The following PTK2 variants were observed in gnomAD, a reference collection of about 807,000 sequenced individuals.
PTK2 encodes focal adhesion kinase 1.
A neutral mutation model predicts 150.1 loss-of-function variants in PTK2; 45 were observed. That is an observed-to-expected ratio of 0.30 (90% CI 0.24 to 0.38). The LOEUF (loss-of-function observed/expected upper bound fraction) is 0.38, where lower values mean the gene tolerates loss of function less well. Among genes scored for constraint, PTK2 ranks in the 10% least tolerant of loss-of-function variants. PTK2 has a pLI of 1.00. For missense variants in PTK2, 919 were observed against 1,307.3 expected (o/e 0.70, Z 4.58); for synonymous variants, 432 against 449.2 (o/e 0.96, Z 0.48).
intron 1 of PTK2, among the ~76,000 whole-genome samples, chr8:140,935,291 A>G (rs1039920136): frequency 6.6e-6 from 1 of 152,214 alleles, no homozygotes; most frequent in Non-Finnish European, 1.5e-5. Context: ...AAAATGATTC[A>G]TATCAACAAC....
chr8:140,815,917 C>T (rs903494220), intron 10 of PTK2, among the ~76,000 whole-genome samples: 14 of 151,822 alleles, frequency 9.2e-5, no homozygotes, highest in African/African-American at 3.4e-4. Context: ...AAAAACAATC[C>T]CAAATAATGA....
chr8:140,990,758 C>T (rs1264860784), intron 1 of PTK2, among the ~76,000 whole-genome samples: 3 of 152,132 alleles, frequency 2.0e-5, no homozygotes, highest in African/African-American at 7.2e-5. Flanking sequence ...CTTAAATACC[C>T]TTTACAACAA....
At chr8:140,854,689 T>C (rs1480046207) in intron 5 of PTK2, among the ~76,000 whole-genome samples, 4 of 152,184 alleles carry the variant, frequency 2.6e-5, no homozygotes, top group Non-Finnish European at 4.4e-5. Flanking sequence ...TAGTAAGTCA[T>C]TGAAATTTTC....
At chr8:140,918,388 T>C (rs1221703592) in intron 2 of PTK2, among the ~76,000 whole-genome samples, 2 of 152,190 alleles carry the variant, frequency 1.3e-5, no homozygotes, top group Non-Finnish European at 2.9e-5. Context: ...ATCAAATAAC[T>C]TCCCAAACAG....
At chr8:140,915,317 C>T (rs1157747378) in intron 2 of PTK2, among the ~76,000 whole-genome samples, 2 of 152,010 alleles carry the variant, frequency 1.3e-5, no homozygotes, top group African/African-American at 4.8e-5. Flanking sequence ...TAATCCTAGA[C>T]TTTGTGAGGC....
chr8:140,793,426 T>C lies in PTK2; in HGVS notation c.1094-42A>G, dbSNP rs747550559. The C allele has an allele frequency of 2.5e-6, 4 of 1,596,048 alleles. No individual in the cohort carries two copies. In the South Asian group the frequency reaches 4.6e-5, roughly 18 times the overall value. On this transcript the variant is annotated intron_variant, in intron 12 of 31. Transcript: ENST00000522684. ...AAGAGATGCATAAGGCTCTTTTCAC[T>C]CCTTTTGAAAAGATGGTGCCTAGAA...
chr8:140,760,524 T>C (rs987886321), intron 16 of PTK2, among the ~76,000 whole-genome samples: 1 of 152,144 alleles, frequency 6.6e-6, no homozygotes, highest in African/African-American at 2.4e-5. Context: ...GTCCAGAATA[T>C]ACAAATCTAT....
chr8:140,879,700 A>AAAAC (rs2100147980), intron 3 of PTK2, 63 bp from the exon 4 acceptor site: 6 of 1,140,330 alleles, frequency 5.3e-6, no homozygotes, highest in Non-Finnish European at 4.5e-6. Context: ...AAAAAAAAAA[A>AAAAC]ACCAAAACAA....
intron 1 of PTK2, among the ~76,000 whole-genome samples, chr8:140,933,495 G>A (rs968275493): frequency 2.0e-5 from 3 of 152,292 alleles, no homozygotes; most frequent in East Asian, 1.9e-4. Flanking sequence ...GCAAGGTTTT[G>A]GAACGCTAAA....
intron 23 of PTK2, among the ~76,000 whole-genome samples, chr8:140,710,010 A>C (rs2154183883): frequency 6.6e-6 from 1 of 152,300 alleles, no homozygotes; most frequent in East Asian, 1.9e-4. Flanking sequence ...ACAAACAAAA[A>C]GATAAGTATA....
intron 16 of PTK2, among the ~76,000 whole-genome samples, chr8:140,759,793 T>C (rs958431482): frequency 2.6e-5 from 4 of 151,954 alleles, no homozygotes; most frequent in African/African-American, 7.3e-5. Flanking sequence ...CGGTGAGCCA[T>C]GATTGCGTCA....
rs147879637 is a variant in PTK2, at chr8:140,666,554, T to G, written c.2866-1557A>C. Among the ~76,000 whole-genome samples, 905 of 152,180 alleles carry G rather than the reference T, an allele frequency of 5.9e-3. 12 individuals are homozygous for G. Among genetic ancestry groups the G allele is most frequent in the African/African-American group, 0.02 (830 of 41,504 alleles). On this transcript the variant is annotated intron_variant, in intron 30 of 31. Transcript: ENST00000522684. The stretch of plus-strand genomic sequence containing the variant: ...ACACTTAGATACACTTCACATCCAT[T>G]AGGATGACAATTATTTTTTAAAACA...
In PTK2 at chr8:140,702,579, G is replaced by A. The variant is rs77495534; in HGVS notation, c.2358C>T (p.Pro786=). The A allele has an allele frequency of 1.2e-5, 19 of 1,613,024 alleles. No homozygotes were observed. In the East Asian group the frequency reaches 2.5e-4, roughly 21 times the overall value. Residue 786 remains proline, a synonymous_variant, in exon 25 of 32, where the codon CCC becomes CCT. Transcript: ENST00000522684. ...AAGACACCCGATTTACCTCCACATT[G>A]GGCTGCCACATTGCTATCTCCTGAG... is the stretch of plus-strand genomic sequence containing the variant.
At chr8:140,965,140 A>C (rs1587810477) in intron 1 of PTK2, among the ~76,000 whole-genome samples, 1 of 151,978 alleles carries the variant, frequency 6.6e-6, no homozygotes, top group Non-Finnish European at 1.5e-5. Flanking sequence ...CAAAATCCAA[A>C]CTCTTTATTA....
chr8:140,830,750 T>C (rs994678906), intron 7 of PTK2, among the ~76,000 whole-genome samples: 15 of 152,232 alleles, frequency 9.9e-5, no homozygotes, highest in African/African-American at 3.6e-4. Context: ...TTGGTTTAAA[T>C]AGAAATCCTT....
At chr8:140,904,215 T>C (rs559004519) in intron 2 of PTK2, among the ~76,000 whole-genome samples, 1 of 152,156 alleles carries the variant, frequency 6.6e-6, no homozygotes, top group South Asian at 2.1e-4. Context: ...CATGAAGGGG[T>C]GTTGAATTTT....
intron 27 of PTK2, chr8:140,675,734 T>G: frequency 2.1e-6 from 1 of 480,990 alleles, no homozygotes; most frequent in African/African-American, 1.9e-5. Context: ...CATGGGACAC[T>G]CTGGAACCAC....
At chr8:140,932,652 A>G (rs1413082020) in intron 1 of PTK2, among the ~76,000 whole-genome samples, 2 of 152,240 alleles carry the variant, frequency 1.3e-5, no homozygotes, top group African/African-American at 4.8e-5. Flanking sequence ...GAAGCATGCC[A>G]TATAAAAACT....
At chr8:140,663,851 C>T (rs1461450093) in intron 31 of PTK2, among the ~76,000 whole-genome samples, 3 of 152,080 alleles carry the variant, frequency 2.0e-5, no homozygotes, top group South Asian at 4.2e-4. Flanking sequence ...GAGACAGAGT[C>T]TCGCTTTGTT....
Sources: allele counts gnomAD v4.1 joint callset (sites outside exome capture counted in the v4.1 genomes callset), GRCh38; gene constraint gnomAD v4.1.1; transcripts MANE v1.5; gene names NCBI Gene and HGNC (gene_info 2026-07-23, HGNC 2026-07-21).